The following PEMT variants were observed in gnomAD, a reference collection of about 807,000 sequenced individuals.
PEMT encodes phosphatidylethanolamine N-methyltransferase, also known as phospholipid methyltransferase.
PEMT carries 23 observed loss-of-function variants against 27.4 expected under a neutral mutation model. The ratio of observed to expected loss-of-function variants is 0.84; its 90% CI spans 0.60 to 1.19. The LOEUF is 1.19. Among genes scored for constraint, PEMT ranks in the 50% most tolerant of loss-of-function variants. The pLI is 0.00. For missense variants in PEMT, 307 were observed against 310.1 expected (o/e 0.99, Z 0.07); for synonymous variants, 137 against 139.1 (o/e 0.98, Z 0.11).
intron 2 of PEMT, among the ~76,000 whole-genome samples, chr17:17,554,453 C>T (rs559425512): frequency 5.7e-4 from 87 of 152,314 alleles, no homozygotes; most frequent in Non-Finnish European, 9.0e-4. Context: ...GCAGAGTGCG[C>T]GGCCAACAGC....
Position 17,522,262 on chromosome 17 carries a change from T to G in PEMT, c.320+18A>C. ...TAGCCCAGGGGTTGTGGCTCCCCAGTGAGAGAGCTGTGCTTACCAGTGCGA... is the reference window on the plus strand; with the variant it reads ...TAGCCCAGGGGTTGTGGCTCCCCAGGGAGAGAGCTGTGCTTACCAGTGCGA... On this transcript the variant is annotated intron_variant, in intron 3 of 6. Coordinates refer to ENST00000255389, the MANE Select transcript of PEMT (RefSeq NM_148172.3). 1.4e-4 allele frequency: 218 copies of G among 1,560,978 alleles called. No homozygotes were observed. Among genetic ancestry groups the G allele is most frequent in the Non-Finnish European group, 1.8e-4 (200 of 1,131,612 alleles).
chr17:17,587,232 A>G (rs796809589), intron 1 of PEMT, among the ~76,000 whole-genome samples: 9 of 152,236 alleles, frequency 5.9e-5, no homozygotes, highest in African/African-American at 2.2e-4. Flanking sequence ...CAAAATATCA[A>G]TATCAGAAAT....
chr17:17,516,457 A>G (rs1906843187), intron 3 of PEMT, among the ~76,000 whole-genome samples: 1 of 152,140 alleles, frequency 6.6e-6, no homozygotes, highest in Admixed American at 6.5e-5. Context: ...CTTGTTTTAC[A>G]AACAGGGAAG....
chr17:17,554,834 T>G (rs1344023783), intron 2 of PEMT, among the ~76,000 whole-genome samples: 1 of 152,090 alleles, frequency 6.6e-6, no homozygotes, highest in African/African-American at 2.4e-5. Flanking sequence ...CAGGCTGATC[T>G]CAAACTCCTG....
At chr17:17,521,926 C>T (rs1907295686) in intron 3 of PEMT, among the ~76,000 whole-genome samples, 1 of 152,156 alleles carries the variant, frequency 6.6e-6, no homozygotes, top group African/African-American at 2.4e-5. Flanking sequence ...AGGCCTGACC[C>T]CTGAGGGCTC....
chr17:17,520,594 C>A (rs70963011), intron 3 of PEMT, among the ~76,000 whole-genome samples: 257 of 152,374 alleles, frequency 1.7e-3, no homozygotes, highest in African/African-American at 6.0e-3. Context: ...GCAGGCTGTG[C>A]AGACGCACAG....
intron 2 of PEMT, among the ~76,000 whole-genome samples, chr17:17,525,350 C>T (rs530570907): frequency 3.3e-5 from 5 of 152,334 alleles, no homozygotes; most frequent in South Asian, 4.1e-4. Flanking sequence ...AACTGGTATT[C>T]GATGGGGCTG....
At position 17,564,717 on chromosome 17, in the gene PEMT, G is replaced by A. The variant is rs558728542; in HGVS notation, c.204+12203C>T. On this transcript the variant is annotated intron_variant, in intron 2 of 6. Transcript: ENST00000255389. ...CTCTGCTCCCACAGCTGCCCAAGGGGGACAGTGCCTAGCAGCTGCCAACGC... is the reference window on the plus strand; with the variant it reads ...CTCTGCTCCCACAGCTGCCCAAGGGAGACAGTGCCTAGCAGCTGCCAACGC... Among the ~76,000 whole-genome samples, 22 of 152,288 alleles carry A rather than the reference G, an allele frequency of 1.4e-4. No homozygotes were observed. The South Asian group carries it at 3.3e-3, about 23-fold the overall frequency.
intron 2 of PEMT, chr17:17,570,852 G>C: frequency 4.1e-6 from 4 of 985,422 alleles, no homozygotes; most frequent in Non-Finnish European, 4.8e-6. Context: ...AGTCCGCGAG[G>C]GTACAGATCC....
At chr17:17,575,108 C>A (rs533766639) in intron 2 of PEMT, among the ~76,000 whole-genome samples, 3 of 152,234 alleles carry the variant, frequency 2.0e-5, no homozygotes, top group Non-Finnish European at 4.4e-5. Context: ...AAGGTGCCGA[C>A]TGGGCTGTGC....
At chr17:17,537,879 T>C (rs984425509) in intron 2 of PEMT, among the ~76,000 whole-genome samples, 4 of 152,192 alleles carry the variant, frequency 2.6e-5, no homozygotes, top group African/African-American at 9.7e-5. Context: ...CAGGAGGATG[T>C]TTGTTGACTT....
chr17:17,540,382 G>A (rs766257456), intron 2 of PEMT, among the ~76,000 whole-genome samples: 1 of 152,204 alleles, frequency 6.6e-6, no homozygotes, highest in African/African-American at 2.4e-5. Flanking sequence ...CACCAACTTC[G>A]GGCTGAGCAC....
chr17:17,515,224 C>A (rs914732258), intron 3 of PEMT, among the ~76,000 whole-genome samples: 1 of 152,232 alleles, frequency 6.6e-6, no homozygotes, highest in African/African-American at 2.4e-5. Flanking sequence ...ATCACACAAG[C>A]AGGCAGCAGA....
In PEMT at chr17:17,563,679, C is replaced by T. The variant is rs558042411; in HGVS notation, c.204+13241G>A. 5.4e-3 allele frequency among the ~76,000 whole-genome samples: 830 copies of T among 152,294 alleles called. 5 individuals are homozygous for T. Among genetic ancestry groups the T allele is most frequent in the Non-Finnish European group, 9.4e-3 (641 of 68,014 alleles). ...GGCAAAGCGACAGGTGTACTGGGAC[C>T]GCTGTGTGCCTGGAGCCCGGCTGTC... On this transcript the variant is annotated intron_variant, in intron 2 of 6. Coordinates refer to ENST00000255389, the MANE Select transcript of PEMT (RefSeq NM_148172.3).
chr17:17,581,684 G>C (rs372222062), intron 1 of PEMT, among the ~76,000 whole-genome samples: 10 of 152,310 alleles, frequency 6.6e-5, no homozygotes, highest in African/African-American at 2.4e-4. Flanking sequence ...AAGCTGGAAC[G>C]TATCCACCCC....
At chr17:17,569,065 G>A (rs1373472146) in intron 2 of PEMT, among the ~76,000 whole-genome samples, 5 of 152,226 alleles carry the variant, frequency 3.3e-5, no homozygotes, top group Admixed American at 6.5e-5. Flanking sequence ...CCAGACTACA[G>A]TGGCCAACTG....
At chr17:17,586,101 G>A (rs1437192501) in intron 1 of PEMT, among the ~76,000 whole-genome samples, 1 of 132,516 alleles carries the variant, frequency 7.5e-6, no homozygotes, top group Non-Finnish European at 1.6e-5. Context: ...AAAAAAAATT[G>A]TCACAGATTT....
chr17:17,532,976 G>A (rs780761764), intron 2 of PEMT, among the ~76,000 whole-genome samples: 15 of 152,212 alleles, frequency 9.9e-5, no homozygotes, highest in Non-Finnish European at 1.5e-4. Flanking sequence ...GCAGTGAGCC[G>A]AGATCGTGCT....
At chr17:17,563,020 A>G (rs1299794418) in intron 2 of PEMT, among the ~76,000 whole-genome samples, 2 of 152,102 alleles carry the variant, frequency 1.3e-5, no homozygotes, top group African/African-American at 4.8e-5. Context: ...GGAGGCCTCA[A>G]GTGGCTGCTG....
Sources: gnomAD v4.1 joint callset for allele counts (sites outside exome capture counted in the v4.1 genomes callset) on GRCh38, gnomAD v4.1.1 for gene constraint, MANE v1.5 for transcripts, NCBI Gene and HGNC (gene_info 2026-07-23, HGNC 2026-07-21) for gene names.